Variants in CALN1 observed in about 807,000 individuals in gnomAD.
CALN1 encodes calcium-binding protein 8.
CALN1 carries 17 observed loss-of-function variants against 30.6 expected under a neutral mutation model. That is an observed-to-expected ratio of 0.56 (90% CI 0.38 to 0.83). The LOEUF is 0.83. CALN1 is among the 40% of genes least tolerant of loss of function. The pLI is 0.00. For missense variants in CALN1, 291 were observed against 354.9 expected (o/e 0.82, Z 1.45); for synonymous variants, 156 against 131.4 (o/e 1.19, Z -1.28).
the CALN1 span, among the ~76,000 whole-genome samples, chr7:72,502,146 T>C: frequency 2.4e-4 from 36 of 149,388 alleles, no homozygotes; most frequent in African/African-American, 8.5e-4. Flanking sequence ...GTAACTGAAA[T>C]TTTTTTCCTG....
intron 3 of CALN1, among the ~76,000 whole-genome samples, chr7:72,189,083 C>A (rs887527660): frequency 6.6e-6 from 1 of 152,106 alleles, no homozygotes; most frequent in African/African-American, 2.4e-5. Context: ...AAAATCAGAG[C>A]CAAAATTAAG....
chr7:72,112,049 C>T (rs954265736), intron 3 of CALN1, among the ~76,000 whole-genome samples: 3 of 152,272 alleles, frequency 2.0e-5, no homozygotes, highest in South Asian at 2.1e-4. Flanking sequence ...CCGTGCCAGG[C>T]TCTCTTTTTT....
intron 5 of CALN1, among the ~76,000 whole-genome samples, chr7:71,847,773 AAAGAAG>A (rs373772692): frequency 1.2e-4 from 17 of 145,336 alleles, no homozygotes; most frequent in African/African-American, 1.5e-4. Context: ...GAAGAAGAAG[AAAGAAG>A]AAGAAGAAGA....
Position 72,282,004 on chromosome 7 carries a change from G to C in CALN1, c.120-3194C>G, listed in dbSNP as rs890019709. Among the ~76,000 whole-genome samples the C allele has an allele frequency of 2.0e-5, 3 of 152,048 alleles. 1 individual carries two copies. Among genetic ancestry groups the C allele is most frequent in the Admixed American group, 1.3e-4 (2 of 15,268 alleles). Reference sequence around the variant, plus strand: ...TTCATTTAGTCTCTGCATTCAAAAAGCTCAAAGTCTAGTGGGGAAGAAACC... The same window carrying C: ...TTCATTTAGTCTCTGCATTCAAAAACCTCAAAGTCTAGTGGGGAAGAAACC... On this transcript the variant is annotated intron_variant, in intron 2 of 6. Transcript: ENST00000395275.
intron 2 of CALN1, among the ~76,000 whole-genome samples, chr7:72,318,549 T>G (rs923032930): frequency 2.3e-4 from 35 of 152,204 alleles, no homozygotes; most frequent in African/African-American, 7.9e-4. Context: ...TTAAACTTCA[T>G]TTTTCTTTTG....
At chr7:72,437,802 ACCTTCCTT>A (rs1235786049) in intron 1 of CALN1, among the ~76,000 whole-genome samples, 18 of 69,636 alleles carry the variant, frequency 2.6e-4, no homozygotes, top group African/African-American at 1.1e-3. Context: ...TTTCCTTCCT[ACCTTCCTT>A]CCTTCTTTCC....
chr7:72,432,020 T>C (rs1807995134), intron 1 of CALN1, among the ~76,000 whole-genome samples: 1 of 152,146 alleles, frequency 6.6e-6, no homozygotes, highest in African/African-American at 2.4e-5. Flanking sequence ...CATTATGCCA[T>C]GTCTTCCCTT....
intron 2 of CALN1, among the ~76,000 whole-genome samples, chr7:72,402,151 TAA>T (rs1217061203): frequency 6.6e-6 from 1 of 151,752 alleles, no homozygotes; most frequent in African/African-American, 2.4e-5. Context: ...CCTCAGAGGC[TAA>T]GAGAGTGGCT....
At chr7:72,094,693 A>G (rs1806100441) in intron 4 of CALN1, among the ~76,000 whole-genome samples, 1 of 152,222 alleles carries the variant, frequency 6.6e-6, no homozygotes, top group Admixed American at 6.5e-5. Flanking sequence ...ATACTGTAGA[A>G]GACAGACTTG....
chr7:72,189,214 G>A (rs1281796060), intron 3 of CALN1, among the ~76,000 whole-genome samples: 1 of 152,184 alleles, frequency 6.6e-6, no homozygotes, highest in Admixed American at 6.5e-5. Context: ...ACATGCTTAT[G>A]GGTGTTCTGT....
At chr7:72,495,758 T>C in the CALN1 span, among the ~76,000 whole-genome samples, 3 of 152,222 alleles carry the variant, frequency 2.0e-5, no homozygotes, top group Non-Finnish European at 4.4e-5. Context: ...ATTGAAAAGA[T>C]GTGAAGCTGA....
intron 3 of CALN1, among the ~76,000 whole-genome samples, chr7:72,218,145 AT>A (rs1235205944): frequency 2.0e-5 from 3 of 151,358 alleles, no homozygotes; most frequent in Non-Finnish European, 4.4e-5. Context: ...CTCCGCCAAA[AT>A]TTTTTTTAAA....
At chr7:72,419,318 C>T (rs1239950352) in intron 1 of CALN1, among the ~76,000 whole-genome samples, 2 of 152,170 alleles carry the variant, frequency 1.3e-5, no homozygotes, top group African/African-American at 2.4e-5. Context: ...CTCATATCCA[C>T]TGGCACAGTC....
At chr7:72,455,197 G>C in the CALN1 span, among the ~76,000 whole-genome samples, 1 of 152,080 alleles carries the variant, frequency 6.6e-6, no homozygotes, top group Admixed American at 6.6e-5. Context: ...AGCTACTCTG[G>C]AGGCGGAGGC....
At chr7:72,278,936 A>G in intron 2 of CALN1, 126 bp from the exon 3 acceptor site, 2 of 1,317,760 alleles carry the variant, frequency 1.5e-6, no homozygotes, top group Middle Eastern at 4.0e-4. Context: ...TAATATTTCT[A>G]GTGGGAAAGT....
intron 2 of CALN1, among the ~76,000 whole-genome samples, chr7:72,329,790 C>T (rs1226325355): frequency 1.3e-5 from 2 of 151,388 alleles, no homozygotes; most frequent in Admixed American, 1.3e-4. Context: ...CCCGTCACTA[C>T]TAAAAATCCA....
chr7:72,363,265 G>A (rs1325643090), intron 2 of CALN1, among the ~76,000 whole-genome samples: 1 of 152,086 alleles, frequency 6.6e-6, no homozygotes, highest in Non-Finnish European at 1.5e-5. Flanking sequence ...TTGAGACGAA[G>A]TCTCGCTCTG....
chr7:71,903,573 A>T (rs2116956779), intron 5 of CALN1, among the ~76,000 whole-genome samples: 1 of 152,324 alleles, frequency 6.6e-6, no homozygotes, highest in African/African-American at 2.4e-5. Flanking sequence ...TAGAGACTTA[A>T]ATGTAAGACC....
chr7:72,037,156 AT>A (rs35583201), intron 4 of CALN1, among the ~76,000 whole-genome samples: 97,748 of 149,268 alleles, frequency 0.65, 32,144 homozygotes, highest in East Asian at 0.76. Flanking sequence ...TCTTTTCATA[AT>A]TTTTTTTTTT....
Sources: allele counts gnomAD v4.1 joint callset (sites outside exome capture counted in the v4.1 genomes callset), GRCh38; gene constraint gnomAD v4.1.1; transcripts MANE v1.5; gene names NCBI Gene and HGNC (gene_info 2026-07-23, HGNC 2026-07-21).